ZNF385D: variants seen among roughly 807,000 people sequenced by gnomAD.
ZNF385D encodes zinc finger protein 659.
A neutral mutation model predicts 35.8 loss-of-function variants in ZNF385D; 15 were observed. The ratio of observed to expected loss-of-function variants is 0.42; its 90% CI spans 0.28 to 0.64. The LOEUF is 0.64. Among genes scored for constraint, ZNF385D ranks in the 30% least tolerant of loss-of-function variants. The pLI, the probability that ZNF385D is intolerant of heterozygous loss-of-function variation, is 0.23. For synonymous variants in ZNF385D, 212 were observed against 186.8 expected, an observed-to-expected ratio of 1.13 and a Z score of -1.10; for missense variants, 474 against 494.6, an observed-to-expected ratio of 0.96 and a Z score of 0.39.
At chr3:22,323,331 T>A (rs1404698957) in intron 2 of ZNF385D, among the ~76,000 whole-genome samples, 1 of 152,112 alleles carries the variant, frequency 6.6e-6, no homozygotes, top group Non-Finnish European at 1.5e-5. Flanking sequence ...ACATTTTCCA[T>A]TATCTCTGAT....
chr3:21,981,311 A>G (rs1283461629), intron 3 of ZNF385D, among the ~76,000 whole-genome samples: 1 of 152,146 alleles, frequency 6.6e-6, no homozygotes, highest in African/African-American at 2.4e-5. Flanking sequence ...CATTTCTCTA[A>G]TGATCAGTGA....
chr3:21,645,391 A>G (rs2065721287), intron 2 of ZNF385D, among the ~76,000 whole-genome samples: 1 of 152,158 alleles, frequency 6.6e-6, no homozygotes, highest in South Asian at 2.1e-4. Flanking sequence ...TCCACAACCT[A>G]CACATTTGCA....
At chr3:22,353,609 A>G (rs1696015891) in intron 2 of ZNF385D, among the ~76,000 whole-genome samples, 1 of 152,030 alleles carries the variant, frequency 6.6e-6, no homozygotes, top group African/African-American at 2.4e-5. Flanking sequence ...GCAGTTATTC[A>G]CTACCCACTT....
At chr3:21,941,191 T>C (rs1438996934) in intron 3 of ZNF385D, among the ~76,000 whole-genome samples, 2 of 152,194 alleles carry the variant, frequency 1.3e-5, no homozygotes, top group Admixed American at 1.3e-4. Flanking sequence ...ATATTTGGGT[T>C]CAAAGCTTTG....
chr3:21,996,262 C>A (rs150440553), intron 3 of ZNF385D, among the ~76,000 whole-genome samples: 12 of 152,066 alleles, frequency 7.9e-5, no homozygotes, highest in African/African-American at 2.9e-4. Flanking sequence ...ATGGTTGGGA[C>A]GGCAGGAGTC....
chr3:21,710,490 A>G (rs1340185427), intron 1 of ZNF385D, among the ~76,000 whole-genome samples: 1 of 152,122 alleles, frequency 6.6e-6, no homozygotes, highest in Non-Finnish European at 1.5e-5. Context: ...TGTTTTTCAT[A>G]ATCCTCCATA....
At chr3:21,636,403 T>TAC in intron 2 of ZNF385D, among the ~76,000 whole-genome samples, 1 of 43,260 alleles carries the variant, frequency 2.3e-5, no homozygotes, top group South Asian at 7.4e-4. Flanking sequence ...TATATATATA[T>TAC]ATATATATAT....
intron 3 of ZNF385D, among the ~76,000 whole-genome samples, chr3:22,090,324 A>C (rs1271816442): frequency 6.6e-6 from 1 of 152,192 alleles, no homozygotes. Flanking sequence ...AATCCAGGGC[A>C]TGTGTGACAT....
intron 4 of ZNF385D, among the ~76,000 whole-genome samples, chr3:21,499,363 C>T (rs962796661): frequency 1.3e-5 from 2 of 152,172 alleles, no homozygotes; most frequent in South Asian, 2.1e-4. Flanking sequence ...TTATCCTAAG[C>T]GAACTAACAC....
intron 2 of ZNF385D, among the ~76,000 whole-genome samples, chr3:22,170,865 A>C (rs2035850): frequency 0.13 from 19,469 of 152,226 alleles, 1,279 homozygotes; most frequent in Middle Eastern, 0.22. Context: ...GTGTGCTAAA[A>C]TCACAATATG....
At chr3:22,242,444 C>G (rs1390090668) in intron 2 of ZNF385D, among the ~76,000 whole-genome samples, 1 of 150,772 alleles carries the variant, frequency 6.6e-6, no homozygotes, top group Non-Finnish European at 1.5e-5. Flanking sequence ...ATGGATATCA[C>G]GTAAACCCTG....
chr3:21,993,767 T>C (rs770008814), intron 3 of ZNF385D, among the ~76,000 whole-genome samples: 3 of 152,112 alleles, frequency 2.0e-5, no homozygotes, highest in East Asian at 1.9e-4. Flanking sequence ...AGAAAAAAAA[T>C]TGCTTCCAAT....
chr3:22,008,592 G>A (rs1479509178), intron 3 of ZNF385D, among the ~76,000 whole-genome samples: 4 of 152,046 alleles, frequency 2.6e-5, no homozygotes, highest in East Asian at 3.9e-4. Flanking sequence ...TCCTGACCTC[G>A]TGATCCGCCC....
chr3:22,145,985 TAG>T (rs1260041252), intron 3 of ZNF385D, among the ~76,000 whole-genome samples: 2 of 152,170 alleles, frequency 1.3e-5, no homozygotes, highest in African/African-American at 4.8e-5. Context: ...AGCCAATGCA[TAG>T]AGTCTAGGTG....
intron 3 of ZNF385D, among the ~76,000 whole-genome samples, chr3:21,797,207 C>A (rs2072192934): frequency 6.6e-6 from 1 of 152,122 alleles, no homozygotes; most frequent in Non-Finnish European, 1.5e-5. Flanking sequence ...AGAATACATA[C>A]AAATGACAAA....
At chr3:21,655,548 A>T (rs2066048141) in intron 2 of ZNF385D, among the ~76,000 whole-genome samples, 2 of 152,018 alleles carry the variant, frequency 1.3e-5, no homozygotes, top group South Asian at 4.1e-4. Flanking sequence ...CTGTCCACTG[A>T]TGTCCTAGAC....
chr3:21,644,802 C>A (rs920676681), intron 2 of ZNF385D, among the ~76,000 whole-genome samples: 1 of 152,270 alleles, frequency 6.6e-6, no homozygotes. Flanking sequence ...ACAGGAATCA[C>A]ACTTGTCTGA....
chr3:22,137,594 A>C (rs1289405295), intron 3 of ZNF385D, among the ~76,000 whole-genome samples: 2 of 152,224 alleles, frequency 1.3e-5, no homozygotes, highest in Admixed American at 6.5e-5. Flanking sequence ...ACAGATGCAG[A>C]AAAGGCCTTT....
chr3:22,339,842 C>A lies in ZNF385D; in HGVS notation c.106+32608G>T, dbSNP rs577402532. ...TCTGCAGCCAGCTTTTGATACTGAT[C>A]GACATCCGCTTTAAAAAACTCTTTC... On this transcript the variant is annotated intron_variant, in intron 2 of 5. Transcript: ENST00000494108. 2.0e-5 allele frequency among the ~76,000 whole-genome samples: 3 copies of A among 152,234 alleles called. No individual in the cohort carries two copies. In the South Asian group the frequency reaches 6.2e-4, roughly 32 times the overall value.
Sources: gnomAD v4.1 joint callset for allele counts (sites outside exome capture counted in the v4.1 genomes callset) on GRCh38, gnomAD v4.1.1 for gene constraint, MANE v1.5 for transcripts, NCBI Gene and HGNC (gene_info 2026-07-23, HGNC 2026-07-21) for gene names.